The following DNAAF9 variants were observed in gnomAD, a reference collection of about 807,000 sequenced individuals.
DNAAF9 encodes dynein axonemal assembly factor 9.
In DNAAF9, 90 loss-of-function variants were observed where a neutral mutation model predicts 167.0. The observed-to-expected ratio is 0.54, with a 90% CI of 0.45 to 0.64. The LOEUF (loss-of-function observed/expected upper bound fraction) is 0.64. Ranked by LOEUF, DNAAF9 falls within the 30% of genes least tolerant of loss-of-function variation. The probability of loss-of-function intolerance (pLI) is 0.00; values close to 1 mark genes in which losing one functional copy is unlikely to be tolerated. For missense variants in DNAAF9, 1,315 were observed against 1,442.2 expected, an observed-to-expected ratio of 0.91 and a Z score of 1.43; for synonymous variants, 491 against 508.8, an observed-to-expected ratio of 0.96 and a Z score of 0.47.
chr20:3,398,550 T>C (rs895591041), intron 1 of DNAAF9, among the ~76,000 whole-genome samples: 2 of 152,184 alleles, frequency 1.3e-5, no homozygotes, highest in African/African-American at 4.8e-5. Flanking sequence ...ATCTGCCTTA[T>C]ATGAGAAGGC....
chr20:3,283,884 AGAGAGAGTGCCTGGG>A (rs2068804261), intron 27 of DNAAF9, among the ~76,000 whole-genome samples: 1 of 152,196 alleles, frequency 6.6e-6, no homozygotes, highest in South Asian at 2.1e-4. Flanking sequence ...GATTTCCCTT[AGAGAGAGTGCCTGGG>A]GAATTTCTAG....
At chr20:3,303,830 A>G (rs2069237583) in intron 21 of DNAAF9, among the ~76,000 whole-genome samples, 1 of 152,246 alleles carries the variant, frequency 6.6e-6, no homozygotes, top group Non-Finnish European at 1.5e-5. Context: ...CATAGCTACC[A>G]TCTTCCCCTT....
chr20:3,332,900 G>GTGTGTGGTGTGTGTGTGTGTGTGTGTGT (rs1376871054), intron 10 of DNAAF9, among the ~76,000 whole-genome samples: 1 of 146,840 alleles, frequency 6.8e-6, no homozygotes, highest in African/African-American at 2.5e-5. Flanking sequence ...GTGTGCGTGT[G>GTGTGTGGTGTGTGTGTGTGTGTGTGTGT]GTGTGTGTGT....
At chr20:3,336,268 T>TTTTTTTTTTTTTTTTTTTTGTTTG (rs2069947008) in intron 10 of DNAAF9, among the ~76,000 whole-genome samples, 2 of 149,510 alleles carry the variant, frequency 1.3e-5, no homozygotes, top group African/African-American at 5.0e-5. Context: ...GTTTTTTTTT[T>TTTTTTTTTTTTTTTTTTTTGTTTG]TTTTTTTGCC....
intron 21 of DNAAF9, among the ~76,000 whole-genome samples, chr20:3,299,557 C>T (rs2069146507): frequency 6.6e-6 from 1 of 152,198 alleles, no homozygotes; most frequent in African/African-American, 2.4e-5. Flanking sequence ...AGTGATCTGC[C>T]CTCCTTGGCC....
At position 3,255,244 on chromosome 20, in the gene DNAAF9, G is replaced by A. The variant is rs763457442; in HGVS notation, c.3302C>T (p.Thr1101Met). 1.6e-5 allele frequency: 25 copies of A among 1,550,730 alleles called. No homozygotes were observed. The highest frequency in any genetic ancestry group is 1.1e-4 in the South Asian group (9 of 84,046). The change falls in exon 35 of 37, where the codon ACG becomes ATG. Residue 1101 changes from threonine (T) to methionine (M), a missense_variant. Around this residue, in one of 2 missense-constraint regions of DNAAF9, gnomAD observed 334 missense variants for 429.7 expected, o/e 0.78. Transcript: ENST00000252032. ...GTGGATGCTCCTGATCTCCTGTTGC[G>A]TCAGCATCCCCCTGGTCTTCAGGGC... ...RKALKTRGMLTQQEIRSIHVK... is the reference protein window; with the variant it reads ...RKALKTRGMLMQQEIRSIHVK...
chr20:3,330,147 A>G (rs2123074514), intron 12 of DNAAF9, among the ~76,000 whole-genome samples: 1 of 152,370 alleles, frequency 6.6e-6, no homozygotes, highest in African/African-American at 2.4e-5. Flanking sequence ...TAGAGAGAAG[A>G]GCAGATGGCA....
chr20:3,377,025 C>T (rs1289829807), intron 3 of DNAAF9, among the ~76,000 whole-genome samples: 1 of 152,162 alleles, frequency 6.6e-6, no homozygotes, highest in East Asian at 1.9e-4. Flanking sequence ...GCTGAGATTG[C>T]ACCACTGCAC....
At chr20:3,273,647 A>G (rs1169380664) in intron 29 of DNAAF9, among the ~76,000 whole-genome samples, 1 of 152,158 alleles carries the variant, frequency 6.6e-6, no homozygotes, top group Non-Finnish European at 1.5e-5. Context: ...GCACCAAGCC[A>G]TTCATGAGGG....
At chr20:3,367,844 C>T (rs2083449436) in intron 6 of DNAAF9, among the ~76,000 whole-genome samples, 1 of 150,346 alleles carries the variant, frequency 6.7e-6, no homozygotes, top group East Asian at 1.9e-4. Context: ...ACAAAGTGAA[C>T]ACGTGCTGTT....
chr20:3,260,781 G>A (rs1160121493), intron 31 of DNAAF9, among the ~76,000 whole-genome samples: 5 of 152,180 alleles, frequency 3.3e-5, no homozygotes, highest in Non-Finnish European at 5.9e-5. Flanking sequence ...AGGCGTGTGC[G>A]CCACCACACC....
chr20:3,304,409 CA>C (rs1568592173), intron 21 of DNAAF9, 30 bp downstream of exon 21: 5 of 1,003,226 alleles, frequency 5.0e-6, no homozygotes, highest in Admixed American at 1.7e-5. Flanking sequence ...ACTTTCCGAC[CA>C]AAAAAGCCAC....
At chr20:3,268,897 C>CTTTTTTTTTTTTTTTTTGTTTT (rs2068537355) in intron 30 of DNAAF9, among the ~76,000 whole-genome samples, 1 of 85,850 alleles carries the variant, frequency 1.2e-5, no homozygotes, top group Non-Finnish European at 2.1e-5. Context: ...CTCTATGTTA[C>CTTTTTTTTTTTTTTTTTGTTTT]TTTTTTTTTT....
In DNAAF9 at chr20:3,397,652, A is replaced by C. The variant is rs145566896; in HGVS notation, c.83+9823T>G. Among the ~76,000 whole-genome samples the C allele has an allele frequency of 2.6e-5, 4 of 151,842 alleles. No individual in the cohort carries two copies. The East Asian group carries it at 7.9e-4, about 30-fold the overall frequency. On this transcript the variant is annotated intron_variant, in intron 1 of 36. Transcript: ENST00000252032. ...TTGCTTTTGCTTATCTTATTAAATT[A>C]GCTGGAACCTTATTATATTAGTGGT...
At chr20:3,312,546 T>C (rs144385276) in intron 20 of DNAAF9, among the ~76,000 whole-genome samples, 1 of 152,094 alleles carries the variant, frequency 6.6e-6, no homozygotes, top group South Asian at 2.1e-4. Context: ...TGAAGATAAG[T>C]ACCTTCAGGG....
chr20:3,254,144 T>C (rs951814314), intron 35 of DNAAF9, among the ~76,000 whole-genome samples: 4 of 152,170 alleles, frequency 2.6e-5, no homozygotes, highest in African/African-American at 7.2e-5. Flanking sequence ...AGTGGCGTGA[T>C]CTTGGCTCAC....
Position 3,298,065 on chromosome 20 carries a change from G to A in DNAAF9, c.1893C>T (p.Phe631=), listed in dbSNP as rs776568476. The change falls in exon 22 of 37, where the codon TTC becomes TTT. Residue 631 remains phenylalanine, a synonymous_variant. Transcript: ENST00000252032. ...ATGCTTGGTATATCTTCGATTTGGG[G>A]AAAAGGGCAATCATCAGAAAATTGC... is the stretch of plus-strand genomic sequence containing the variant. The part of the protein sequence containing the change: ...GSSNFLMIAL[F]PKSKIYQAFY... 6.2e-7 allele frequency: 1 copy of A among 1,613,328 alleles called. No homozygotes were observed. The highest frequency in any genetic ancestry group is 2.2e-5 in the East Asian group (1 of 44,874).
At chr20:3,370,874 CTTCT>C (rs770068517) in intron 6 of DNAAF9, among the ~76,000 whole-genome samples, 11 of 152,184 alleles carry the variant, frequency 7.2e-5, no homozygotes, top group Non-Finnish European at 1.5e-4. Context: ...ACCCAAATCT[CTTCT>C]TTGTTTTTCC....
intron 29 of DNAAF9, among the ~76,000 whole-genome samples, chr20:3,274,648 A>G (rs973251620): frequency 6.6e-6 from 1 of 152,208 alleles, no homozygotes; most frequent in African/African-American, 2.4e-5. Context: ...ACTCTAGGTT[A>G]TCAATAAAAC....
Sources: allele counts gnomAD v4.1 joint callset (sites outside exome capture counted in the v4.1 genomes callset), GRCh38; gene constraint gnomAD v4.1.1; regional missense constraint gnomAD v4.1.1; transcripts MANE v1.5; gene names NCBI Gene and HGNC (gene_info 2026-07-23, HGNC 2026-07-21).